Variants in COL25A1 observed in about 807,000 individuals in gnomAD.
COL25A1 encodes collagen type XXV alpha 1 chain, also known as collagen alpha-1(XXV) chain.
COL25A1 carries 103 observed loss-of-function variants against 128.4 expected under a neutral mutation model. The ratio of observed to expected loss-of-function variants is 0.80; its 90% confidence interval spans 0.68 to 0.94. The LOEUF (loss-of-function observed/expected upper bound fraction) is 0.94, where lower values mean the gene tolerates loss of function less well. Ranked by LOEUF, COL25A1 falls within the 40% of genes least tolerant of loss-of-function variation. COL25A1 has a pLI of 0.00. For synonymous variants in COL25A1, 279 were observed against 277.2 expected (o/e 1.01, Z -0.06); for missense variants, 745 against 840.0 (o/e 0.89, Z 1.40).
intron 3 of COL25A1, among the ~76,000 whole-genome samples, chr4:109,291,216 A>G (rs1202220481): frequency 6.6e-6 from 1 of 152,104 alleles, no homozygotes; most frequent in Non-Finnish European, 1.5e-5. Context: ...TGCGAGGTAG[A>G]GTATTGTCTT....
chr4:109,248,842 A>T (rs1780454770), intron 3 of COL25A1, among the ~76,000 whole-genome samples: 1 of 152,184 alleles, frequency 6.6e-6, no homozygotes, highest in Non-Finnish European at 1.5e-5. Flanking sequence ...CTGCAGTTAA[A>T]GTCCTTGATA....
chr4:109,222,058 TC>T (rs1244535196), intron 3 of COL25A1, among the ~76,000 whole-genome samples: 1 of 131,418 alleles, frequency 7.6e-6, no homozygotes, highest in Non-Finnish European at 1.5e-5. Flanking sequence ...CTAAATAACT[TC>T]TTTTTTTTTT....
intron 6 of COL25A1, among the ~76,000 whole-genome samples, chr4:109,009,491 G>A (rs1467464344): frequency 3.9e-5 from 6 of 152,238 alleles, no homozygotes; most frequent in Admixed American, 2.0e-4. Flanking sequence ...GTATGAGGTG[G>A]AGTACACAAT....
rs953278876 is a variant in COL25A1, at chr4:108,930,192, A to T, written c.708+7616T>A. Among the ~76,000 whole-genome samples, 3 of 152,232 alleles carry T rather than the reference A, an allele frequency of 2.0e-5. No homozygotes were observed. In the East Asian group the frequency reaches 5.8e-4, roughly 29 times the overall value. On this transcript the variant is annotated intron_variant, in intron 11 of 37. Transcript: ENST00000399132. ...ATATCTTTTTTAAGGTTCCACTCAGACACATGGATCCTGAACTTCCCTTAG... is the reference window on the plus strand; with the variant it reads ...ATATCTTTTTTAAGGTTCCACTCAGTCACATGGATCCTGAACTTCCCTTAG...
intron 5 of COL25A1, among the ~76,000 whole-genome samples, chr4:109,038,480 C>T (rs1217382405): frequency 6.6e-6 from 1 of 152,162 alleles, no homozygotes; most frequent in East Asian, 1.9e-4. Context: ...CCCTATGGTT[C>T]TGTTTCTCTG....
chr4:109,248,966 A>G (rs1004844243), intron 3 of COL25A1, among the ~76,000 whole-genome samples: 3 of 152,356 alleles, frequency 2.0e-5, no homozygotes, highest in Admixed American at 6.5e-5. Context: ...TCCATGGTTC[A>G]TGGACTTATT....
intron 3 of COL25A1, among the ~76,000 whole-genome samples, chr4:109,101,328 A>C (rs1765872708): frequency 6.6e-6 from 1 of 152,190 alleles, no homozygotes; most frequent in Non-Finnish European, 1.5e-5. Context: ...GCAGGTGAGA[A>C]AAAAGTGAGG....
rs370501086 is a variant in COL25A1, at chr4:108,910,952, C to T, written c.780+7220G>A. Among the ~76,000 whole-genome samples the T allele has an allele frequency of 6.6e-5, 10 of 152,302 alleles. No homozygotes were observed. In the East Asian group the frequency reaches 1.9e-3, roughly 29 times the overall value. On this transcript the variant is annotated intron_variant, in intron 13 of 37. Transcript: ENST00000399132. ...TAAACTAATCCCACTGATGCTGTCT[C>T]ACAGTTGGATCATGGCTACCCCTTG...
At chr4:109,129,568 G>GT (rs1260659898) in intron 3 of COL25A1, among the ~76,000 whole-genome samples, 4 of 152,294 alleles carry the variant, frequency 2.6e-5, no homozygotes, top group Non-Finnish European at 4.4e-5. Flanking sequence ...CCGCAAAAAT[G>GT]TTTAGAGTGG....
At chr4:108,819,939 G>T in intron 35 of COL25A1, 1 of 961,386 alleles carries the variant, frequency 1.0e-6, no homozygotes, top group Non-Finnish European at 1.4e-6. Flanking sequence ...AATTTTATTT[G>T]GGGGAAAATA....
intron 3 of COL25A1, among the ~76,000 whole-genome samples, chr4:109,209,018 A>G (rs1484296833): frequency 6.6e-6 from 1 of 152,190 alleles, no homozygotes; most frequent in African/African-American, 2.4e-5. Flanking sequence ...TATTCACTGA[A>G]TATTTCTTCC....
chr4:109,207,624 T>C (rs1242456797), intron 3 of COL25A1, among the ~76,000 whole-genome samples: 4 of 152,182 alleles, frequency 2.6e-5, no homozygotes, highest in Non-Finnish European at 4.4e-5. Context: ...TTCAGATAAG[T>C]GTTAAAGAAA....
At chr4:109,042,798 A>C (rs1175567257) in intron 5 of COL25A1, among the ~76,000 whole-genome samples, 2 of 152,068 alleles carry the variant, frequency 1.3e-5, no homozygotes, top group African/African-American at 2.4e-5. Flanking sequence ...ATACTTCCAC[A>C]TGATTTGCTT....
At position 109,051,342 on chromosome 4, in the gene COL25A1, T is replaced by C. The variant is rs907108321; in HGVS notation, c.368-1163A>G. Reference sequence around the variant, plus strand: ...CTTCCAGTCCCTTACACAGAATAAGTCTGACCGTCTGTATTTTGTAAGAGG... The same window carrying C: ...CTTCCAGTCCCTTACACAGAATAAGCCTGACCGTCTGTATTTTGTAAGAGG... On this transcript the variant is annotated intron_variant, in intron 3 of 37. Transcript: ENST00000399132. Among the ~76,000 whole-genome samples the C allele has an allele frequency of 3.3e-5, 5 of 152,234 alleles. No homozygotes were observed. The East Asian group carries it at 9.7e-4, about 29-fold the overall frequency.
chr4:108,902,400 C>T (rs954524987), intron 13 of COL25A1, among the ~76,000 whole-genome samples: 1 of 151,906 alleles, frequency 6.6e-6, no homozygotes, highest in African/African-American at 2.4e-5. Context: ...AGGACTTGAA[C>T]CTTCATGGTT....
intron 5 of COL25A1, among the ~76,000 whole-genome samples, chr4:109,038,966 C>T (rs971157468): frequency 3.3e-5 from 5 of 152,212 alleles, no homozygotes; most frequent in African/African-American, 1.2e-4. Flanking sequence ...TTCTCCATCT[C>T]AGTGGCCTCA....
At chr4:109,279,905 G>A (rs1723202767) in intron 3 of COL25A1, among the ~76,000 whole-genome samples, 1 of 152,020 alleles carries the variant, frequency 6.6e-6, no homozygotes, top group South Asian at 2.1e-4. Context: ...ATTTGGGGTA[G>A]CAACATGAAC....
intron 6 of COL25A1, among the ~76,000 whole-genome samples, chr4:108,981,612 C>T (rs1054466302): frequency 5.9e-5 from 9 of 152,058 alleles, no homozygotes; most frequent in Admixed American, 2.6e-4. Context: ...CATATCTTGG[C>T]GGTTAAGAGC....
intron 6 of COL25A1, among the ~76,000 whole-genome samples, chr4:108,979,417 A>G (rs1232885636): frequency 6.6e-6 from 1 of 152,214 alleles, no homozygotes; most frequent in Non-Finnish European, 1.5e-5. Context: ...AAAGAGAGAT[A>G]TATTCATAGG....
Sources: gnomAD v4.1 joint callset for allele counts (sites outside exome capture counted in the v4.1 genomes callset) on GRCh38, gnomAD v4.1.1 for gene constraint, MANE v1.5 for transcripts, NCBI Gene and HGNC (gene_info 2026-07-23, HGNC 2026-07-21) for gene names.